TBC1D32: variants seen among roughly 807,000 people sequenced by gnomAD.
The protein encoded by TBC1D32 is protein broad-minded.
In TBC1D32, 151 loss-of-function variants were observed where a neutral mutation model predicts 170.3. That is an observed-to-expected ratio of 0.89 (90% CI 0.78 to 1.01). The LOEUF (loss-of-function observed/expected upper bound fraction) is 1.01. TBC1D32 is among the 50% of genes least tolerant of loss of function. The pLI is 0.00. For synonymous variants in TBC1D32, 498 were observed against 488.0 expected (o/e 1.02, Z -0.27); for missense variants, 1,464 against 1,457.1 (o/e 1.00, Z -0.08).
intron 9 of TBC1D32, among the ~76,000 whole-genome samples, chr6:121,303,332 C>A (rs1806762896): frequency 6.6e-6 from 1 of 152,070 alleles, no homozygotes; most frequent in South Asian, 2.1e-4. Context: ...TTGAATAGGT[C>A]ATTCAGCTTA....
chr6:121,201,739 A>G (rs1791592740), intron 22 of TBC1D32, among the ~76,000 whole-genome samples: 1 of 151,112 alleles, frequency 6.6e-6, no homozygotes, highest in Non-Finnish European at 1.5e-5. Flanking sequence ...ATATATCTGC[A>G]TATCTTTCTG....
At chr6:121,248,723 G>A (rs948191039) in intron 17 of TBC1D32, among the ~76,000 whole-genome samples, 7 of 151,362 alleles carry the variant, frequency 4.6e-5, no homozygotes, top group Non-Finnish European at 8.9e-5. Context: ...ATAAATTTGT[G>A]GAAATATACA....
intron 17 of TBC1D32, among the ~76,000 whole-genome samples, chr6:121,253,153 G>A (rs9490148): frequency 0.093 from 14,164 of 151,902 alleles, 1,185 homozygotes; most frequent in African/African-American, 0.22. Context: ...AAAAATAAGC[G>A]GAGTAACCAC....
At chr6:121,213,524 TAAATAAAATAAAATA>T (rs1554271961) in intron 21 of TBC1D32, among the ~76,000 whole-genome samples, 14 of 31,244 alleles carry the variant, frequency 4.5e-4, no homozygotes, top group African/African-American at 2.4e-3. Context: ...TAAAATAAAA[TAAATAAAATAAAATA>T]AAATAAAATA....
intron 17 of TBC1D32, among the ~76,000 whole-genome samples, chr6:121,251,503 T>C (rs919640030): frequency 6.6e-6 from 1 of 152,080 alleles, no homozygotes; most frequent in South Asian, 2.1e-4. Flanking sequence ...AGTAGCAATA[T>C]GCAGAAAACT....
chr6:121,137,308 T>TATCC (rs1782206958), intron 24 of TBC1D32, among the ~76,000 whole-genome samples: 1 of 152,044 alleles, frequency 6.6e-6, no homozygotes, highest in African/African-American at 2.4e-5. Context: ...TGTCTCAGTA[T>TATCC]ATCCATTCTA....
intron 3 of TBC1D32, among the ~76,000 whole-genome samples, chr6:121,313,431 G>A (rs536533299): frequency 4.6e-5 from 7 of 151,706 alleles, no homozygotes; most frequent in East Asian, 1.9e-4. Context: ...CTACAGGCAC[G>A]CGCCACTATA....
intron 22 of TBC1D32, among the ~76,000 whole-genome samples, chr6:121,189,157 A>C (rs777248162): frequency 1.1e-4 from 16 of 152,180 alleles, no homozygotes; most frequent in Non-Finnish European, 2.1e-4. Flanking sequence ...GTTTACATTA[A>C]AAACCTGAAA....
chr6:121,304,313 G>C (rs1806981266), intron 8 of TBC1D32, 52 bp downstream of exon 8: 1 of 1,528,284 alleles, frequency 6.5e-7, no homozygotes, highest in Non-Finnish European at 9.0e-7. Flanking sequence ...AACGTATATG[G>C]GGCAGTAACA....
intron 24 of TBC1D32, among the ~76,000 whole-genome samples, chr6:121,156,809 T>C (rs1314770383): frequency 1.3e-5 from 2 of 152,158 alleles, no homozygotes; most frequent in African/African-American, 4.8e-5. Context: ...AATTTCCATG[T>C]TTTTGTGTAG....
chr6:121,098,432 C>A (rs1349797857), intron 30 of TBC1D32, among the ~76,000 whole-genome samples: 2 of 151,948 alleles, frequency 1.3e-5, no homozygotes, highest in Non-Finnish European at 2.9e-5. Flanking sequence ...CAAGTCCTTA[C>A]ACTATCGGAA....
chr6:121,083,812 T>C (rs183766816), intron 31 of TBC1D32, among the ~76,000 whole-genome samples: 23 of 152,264 alleles, frequency 1.5e-4, no homozygotes, highest in Admixed American at 7.2e-4. Context: ...ATGTGTTAAA[T>C]GTAGACAATA....
chr6:121,135,361 A>T (rs1273737), intron 24 of TBC1D32, among the ~76,000 whole-genome samples: 25,868 of 152,108 alleles, frequency 0.17, 2,847 homozygotes, highest in African/African-American at 0.28. Flanking sequence ...TCTGGCCACG[A>T]TGGAGGAACT....
chr6:121,222,712 C>A (rs1049197272), intron 21 of TBC1D32, among the ~76,000 whole-genome samples: 11 of 151,878 alleles, frequency 7.2e-5, no homozygotes, highest in African/African-American at 2.7e-4. Context: ...CATAAATGTA[C>A]CCAAAGTTAA....
At chr6:121,199,313 T>C (rs937950874) in intron 22 of TBC1D32, among the ~76,000 whole-genome samples, 6 of 151,382 alleles carry the variant, frequency 4.0e-5, no homozygotes, top group Admixed American at 1.3e-4. Flanking sequence ...TACAGATTAA[T>C]ATTTATAGGT....
intron 24 of TBC1D32, among the ~76,000 whole-genome samples, chr6:121,133,897 G>A (rs1258603216): frequency 2.0e-5 from 3 of 149,956 alleles, no homozygotes; most frequent in Non-Finnish European, 4.5e-5. Flanking sequence ...TAAATCAAAA[G>A]AGAAAATGAT....
intron 4 of TBC1D32, among the ~76,000 whole-genome samples, chr6:121,309,953 G>A (rs1434525553): frequency 2.0e-5 from 3 of 152,074 alleles, no homozygotes; most frequent in East Asian, 3.9e-4. Context: ...AAAATCACCT[G>A]AGCCTGGGGA....
intron 22 of TBC1D32, among the ~76,000 whole-genome samples, chr6:121,168,169 C>G (rs1466215622): frequency 1.3e-5 from 1 of 74,370 alleles, no homozygotes; most frequent in Non-Finnish European, 2.4e-5. Context: ...CCTCAGGGAT[C>G]TAGAACTAGA....
At chr6:121,308,285 G>GA (rs1207068098) in intron 4 of TBC1D32, among the ~76,000 whole-genome samples, 184 bp from the exon 5 acceptor site, 6 of 148,534 alleles carry the variant, frequency 4.0e-5, no homozygotes, top group South Asian at 2.1e-4. Flanking sequence ...GCTAAGCAGA[G>GA]AAAAAAAACA....
Sources: gnomAD v4.1 joint callset for allele counts (sites outside exome capture counted in the v4.1 genomes callset) on GRCh38, gnomAD v4.1.1 for gene constraint, MANE v1.5 for transcripts, NCBI Gene and HGNC (gene_info 2026-07-23, HGNC 2026-07-21) for gene names.